Variants in ADCY2 observed in about 807,000 individuals in gnomAD.
ADCY2 encodes adenylate cyclase 2.
In ADCY2, 31 loss-of-function variants were observed where a neutral mutation model predicts 125.2. The observed-to-expected ratio is 0.25, with a 90% CI of 0.19 to 0.33. ADCY2 has a LOEUF of 0.33. Ranked by LOEUF, ADCY2 falls within the 10% of genes least tolerant of loss-of-function variation. The pLI is 1.00. For missense variants in ADCY2, 904 were observed against 1,418.2 expected, an observed-to-expected ratio of 0.64 and a Z score of 5.82; for synonymous variants, 512 against 548.4, an observed-to-expected ratio of 0.93 and a Z score of 0.93.
At chr5:7,821,103 A>G (rs530192981) in intron 24 of ADCY2, among the ~76,000 whole-genome samples, 8 of 152,250 alleles carry the variant, frequency 5.3e-5, no homozygotes, top group African/African-American at 1.7e-4. Flanking sequence ...GGAGGAGGGG[A>G]AGTGGTAGGC....
intron 2 of ADCY2, among the ~76,000 whole-genome samples, chr5:7,452,750 A>T (rs745505315): frequency 4.1e-4 from 62 of 152,184 alleles, no homozygotes; most frequent in Non-Finnish European, 7.8e-4. Flanking sequence ...CACCACATCC[A>T]TGCTAACATC....
At position 7,722,183 on chromosome 5, in the gene ADCY2, C is replaced by A. The variant is rs567661408; in HGVS notation, c.1704-2362C>A. On this transcript the variant is annotated intron_variant, in intron 12 of 24. Transcript: ENST00000338316. Reference sequence around the variant, plus strand: ...CAAGCACAGATCTAATGCTGGGGTTCACGAAGCACCACATGGGTTCTGGGG... The same window carrying A: ...CAAGCACAGATCTAATGCTGGGGTTAACGAAGCACCACATGGGTTCTGGGG... 5.3e-5 allele frequency among the ~76,000 whole-genome samples: 8 copies of A among 152,240 alleles called. No homozygotes were observed. The South Asian group carries it at 1.7e-3, about 32-fold the overall frequency.
At chr5:7,414,506 AC>A in intron 1 of ADCY2, 66 bp from the exon 2 acceptor site, 1 of 1,356,110 alleles carries the variant, frequency 7.4e-7, no homozygotes, top group Non-Finnish European at 1.0e-6. Flanking sequence ...CATTTTAACA[AC>A]ATAAATCATT....
intron 4 of ADCY2, among the ~76,000 whole-genome samples, chr5:7,642,615 G>T (rs1046165793): frequency 6.6e-6 from 1 of 152,080 alleles, no homozygotes; most frequent in African/African-American, 2.4e-5. Flanking sequence ...TGTCCAGAAT[G>T]CTGTTTCCAG....
rs1741065966 is a variant in ADCY2, at chr5:7,701,190, ATT to A, written c.1109+2818_1109+2819del. Among the ~76,000 whole-genome samples, 10 of 152,000 alleles carry A rather than the reference ATT, an allele frequency of 6.6e-5. No homozygotes were observed. In the South Asian group the frequency reaches 2.1e-3, roughly 32 times the overall value. ...GAAATGAGTACTATTGGAGGGAGGT[ATT>A]TGTTTTATTTCCTTTTCAATTAGTT... is the stretch of plus-strand genomic sequence containing the variant. On this transcript the variant is annotated intron_variant, in intron 7 of 24. Coordinates refer to ENST00000338316, the MANE Select transcript of ADCY2 (RefSeq NM_020546.3).
intron 2 of ADCY2, among the ~76,000 whole-genome samples, chr5:7,515,548 G>T (rs543968249): frequency 3.3e-5 from 5 of 152,312 alleles, no homozygotes; most frequent in Non-Finnish European, 5.9e-5. Flanking sequence ...GAGTGTTTCA[G>T]TGTAATTGAT....
At chr5:7,764,858 A>G (rs1743332642) in intron 16 of ADCY2, among the ~76,000 whole-genome samples, 1 of 152,224 alleles carries the variant, frequency 6.6e-6, no homozygotes, top group African/African-American at 2.4e-5. Context: ...AGGGAATGAC[A>G]TGAGTTTGTT....
At chr5:7,509,432 T>A (rs959695007) in intron 2 of ADCY2, among the ~76,000 whole-genome samples, 18 of 152,212 alleles carry the variant, frequency 1.2e-4, no homozygotes, top group African/African-American at 4.3e-4. Flanking sequence ...GCCGTCTGTA[T>A]TCCCTCAGGA....
chr5:7,658,834 C>T (rs547483682), intron 4 of ADCY2, among the ~76,000 whole-genome samples: 8 of 152,268 alleles, frequency 5.3e-5, no homozygotes, highest in African/African-American at 1.9e-4. Context: ...GTTCAAAGCC[C>T]GTTCACTGCA....
intron 2 of ADCY2, among the ~76,000 whole-genome samples, chr5:7,420,333 G>T (rs1740146467): frequency 6.6e-6 from 1 of 152,122 alleles, no homozygotes; most frequent in South Asian, 2.1e-4. Flanking sequence ...ACTGAAGAGT[G>T]ATGTTGGCAG....
rs745477448 is a variant in ADCY2, at chr5:7,802,183, T to C, written c.2629-35T>C. The stretch of plus-strand genomic sequence containing the variant: ...GAGTGTTTCTGTTTAAAGGTCAGTC[T>C]CCTAGTGATCAGCTCTTGCTTTTCT... On this transcript the variant is annotated intron_variant, in intron 20 of 24. Coordinates refer to ENST00000338316, the MANE Select transcript of ADCY2 (RefSeq NM_020546.3). This position sits in a 1 kb window ranked among gnomAD's most constrained non-coding sequence, Gnocchi z 4.6. The C allele has an allele frequency of 1.2e-5, 19 of 1,609,254 alleles. No individual in the cohort carries two copies. Among genetic ancestry groups the C allele is most frequent in the South Asian group, 5.5e-5 (5 of 90,404 alleles).
intron 4 of ADCY2, among the ~76,000 whole-genome samples, chr5:7,636,998 A>G (rs1738528091): frequency 6.6e-6 from 1 of 152,234 alleles, no homozygotes; most frequent in African/African-American, 2.4e-5. Context: ...TTCTATGCTC[A>G]TGGCATAAAT....
At chr5:7,476,428 C>G (rs1407821129) in intron 2 of ADCY2, among the ~76,000 whole-genome samples, 1 of 152,050 alleles carries the variant, frequency 6.6e-6, no homozygotes, top group East Asian at 1.9e-4. Context: ...GGGGAGTTGG[C>G]GATGCCAGAG....
chr5:7,419,088 A>T (rs1740084499), intron 2 of ADCY2, among the ~76,000 whole-genome samples: 1 of 152,176 alleles, frequency 6.6e-6, no homozygotes, highest in Admixed American at 6.5e-5. Context: ...TTTAGAATAG[A>T]ATGGTTCCCA....
At chr5:7,475,764 T>C (rs1742502259) in intron 2 of ADCY2, among the ~76,000 whole-genome samples, 2 of 152,118 alleles carry the variant, frequency 1.3e-5, no homozygotes, top group South Asian at 4.1e-4. Flanking sequence ...GCTCCCAGGC[T>C]TTGGAGGAGG....
chr5:7,496,692 C>A (rs1743357372), intron 2 of ADCY2, among the ~76,000 whole-genome samples: 1 of 151,984 alleles, frequency 6.6e-6, no homozygotes, highest in Non-Finnish European at 1.5e-5. Context: ...AGTATTAGCT[C>A]CTGATAAACG....
At chr5:7,702,470 C>T (rs930294403) in intron 7 of ADCY2, among the ~76,000 whole-genome samples, 1 of 151,428 alleles carries the variant, frequency 6.6e-6, no homozygotes, top group Non-Finnish European at 1.5e-5. Flanking sequence ...TGAGTGAGAA[C>T]ATGTGGTGTT....
intron 2 of ADCY2, among the ~76,000 whole-genome samples, chr5:7,519,587 C>T (rs1199621404): frequency 1.3e-5 from 2 of 152,106 alleles, no homozygotes; most frequent in Admixed American, 6.5e-5. Flanking sequence ...TGAAAATGAT[C>T]GTTTTTTATT....
At chr5:7,734,359 T>C (rs1742187605) in intron 14 of ADCY2, among the ~76,000 whole-genome samples, 1 of 152,192 alleles carries the variant, frequency 6.6e-6, no homozygotes, top group Non-Finnish European at 1.5e-5. Flanking sequence ...TTCTCACCCC[T>C]GTCAGGGCCA....
Sources: allele counts gnomAD v4.1 joint callset (sites outside exome capture counted in the v4.1 genomes callset), GRCh38; gene constraint gnomAD v4.1.1; non-coding constraint Gnocchi (gnomAD v3.1); transcripts MANE v1.5; gene names NCBI Gene and HGNC (gene_info 2026-07-23, HGNC 2026-07-21).